The following IGF1 variants were observed in gnomAD, a reference collection of about 807,000 sequenced individuals.
IGF1 encodes insulin like growth factor 1.
Under a neutral mutation model 13.8 loss-of-function variants are expected in IGF1, and 4 were observed. The ratio of observed to expected loss-of-function variants is 0.29; its 90% CI spans 0.14 to 0.66. The LOEUF (loss-of-function observed/expected upper bound fraction) is 0.66. IGF1 is among the 30% of genes least tolerant of loss of function. IGF1 has a pLI of 0.78. For missense variants in IGF1, 124 were observed against 188.5 expected, an observed-to-expected ratio of 0.66 and a Z score of 2.00; for synonymous variants, 76 against 72.6, an observed-to-expected ratio of 1.05 and a Z score of -0.23.
chr12:102,404,919 G>A (rs1874009960), intron 3 of IGF1, among the ~76,000 whole-genome samples: 2 of 151,476 alleles, frequency 1.3e-5, no homozygotes, highest in Non-Finnish European at 2.9e-5. Context: ...CACCATGCAT[G>A]GCTAATTTTT....
intron 3 of IGF1, chr12:102,417,867 C>T: frequency 6.2e-7 from 1 of 1,613,934 alleles, no homozygotes; most frequent in Non-Finnish European, 8.5e-7. Flanking sequence ...TCCAATCTCC[C>T]TCCTCTGCTC....
At chr12:102,464,723 A>G (rs1165932021) in intron 2 of IGF1, among the ~76,000 whole-genome samples, 1 of 152,064 alleles carries the variant, frequency 6.6e-6, no homozygotes, top group Non-Finnish European at 1.5e-5. Context: ...TTTTGATTTC[A>G]TCAAAGCCAT....
At chr12:102,454,177 T>C (rs1420663473) in intron 2 of IGF1, among the ~76,000 whole-genome samples, 1 of 152,210 alleles carries the variant, frequency 6.6e-6, no homozygotes, top group African/African-American at 2.4e-5. Flanking sequence ...CCAGAATTTT[T>C]CCATCTATCA....
intron 2 of IGF1, among the ~76,000 whole-genome samples, chr12:102,430,847 T>A (rs1325350415): frequency 6.6e-6 from 1 of 152,212 alleles, no homozygotes; most frequent in Non-Finnish European, 1.5e-5. Context: ...TGGCAGTCAT[T>A]TCCCTCAGTT....
At chr12:102,478,428 G>GTCCA in intron 1 of IGF1, 1 of 1,187,634 alleles carries the variant, frequency 8.4e-7, no homozygotes, top group Non-Finnish European at 1.2e-6. Flanking sequence ...CCAGATGTCT[G>GTCCA]GGCCACAATG....
At chr12:102,416,957 C>T (rs1016342221) in intron 3 of IGF1, among the ~76,000 whole-genome samples, 1 of 152,038 alleles carries the variant, frequency 6.6e-6, no homozygotes, top group Non-Finnish European at 1.5e-5. Flanking sequence ...TGTTTAGACA[C>T]AGAGATATGT....
intron 2 of IGF1, among the ~76,000 whole-genome samples, chr12:102,459,656 G>C (rs367868183): frequency 1.3e-5 from 2 of 152,100 alleles, no homozygotes; most frequent in Non-Finnish European, 2.9e-5. Flanking sequence ...CAAGGTCACC[G>C]GCTAAAAACT....
At position 102,397,936 on chromosome 12, in the gene IGF1, C is replaced by T. The variant is rs1873349436; in HGVS notation, c.*4571G>A. ...AACATTTTAAATAGTCTGATTATAGCTTCAACAAGTCAAACATACATTTCT... is the reference window on the plus strand; with the variant it reads ...AACATTTTAAATAGTCTGATTATAGTTTCAACAAGTCAAACATACATTTCT... On this transcript the variant is annotated 3_prime_UTR_variant, in exon 4 of 4. Transcript: ENST00000337514. The T allele has an allele frequency of 6.6e-6, 1 of 152,244 alleles. No individual in the cohort carries two copies. The highest frequency in any genetic ancestry group is 2.4e-5 in the African/African-American group (1 of 41,414). 9.4% of individuals were successfully genotyped at this position (152,244 alleles called of 1,614,324 possible).
intron 2 of IGF1, among the ~76,000 whole-genome samples, chr12:102,431,379 A>G (rs1177386113): frequency 6.6e-6 from 1 of 152,222 alleles, no homozygotes; most frequent in Non-Finnish European, 1.5e-5. Context: ...TCTCCTTGAC[A>G]TTTAGAAAAA....
intron 2 of IGF1, among the ~76,000 whole-genome samples, chr12:102,433,156 T>C (rs953456349): frequency 1.3e-5 from 2 of 152,214 alleles, no homozygotes; most frequent in African/African-American, 4.8e-5. Context: ...ACAATCTGCC[T>C]TCTCATCCAA....
At chr12:102,407,072 C>G (rs1336391913) in intron 3 of IGF1, among the ~76,000 whole-genome samples, 2 of 113,398 alleles carry the variant, frequency 1.8e-5, no homozygotes, top group Admixed American at 2.1e-4. Context: ...CCAGCCTTGG[C>G]GACAGAGTAA....
chr12:102,461,013 T>C (rs577023669), intron 2 of IGF1, among the ~76,000 whole-genome samples: 2 of 152,326 alleles, frequency 1.3e-5, no homozygotes, highest in East Asian at 1.9e-4. Context: ...TTACGTATCA[T>C]TGTTTCAATG....
intron 2 of IGF1, among the ~76,000 whole-genome samples, chr12:102,450,008 C>T (rs888727546): frequency 3.3e-5 from 5 of 152,012 alleles, no homozygotes; most frequent in South Asian, 2.1e-4. Context: ...ACATGTTAAA[C>T]GTGAGGTTAC....
intron 2 of IGF1, among the ~76,000 whole-genome samples, chr12:102,439,065 C>T (rs1480834004): frequency 1.3e-5 from 2 of 152,216 alleles, no homozygotes; most frequent in Admixed American, 1.3e-4. Context: ...ACAACACTTG[C>T]AACGGTTTTA....
chr12:102,440,199 T>G lies in IGF1; in HGVS notation c.221-20509A>C, dbSNP rs116419614. Among the ~76,000 whole-genome samples, 1,358 of 152,256 alleles carry G rather than the reference T, an allele frequency of 8.9e-3. 18 individuals are homozygous for G. Among genetic ancestry groups the G allele is most frequent in the African/African-American group, 0.031 (1,298 of 41,542 alleles). ...CCGCATGGCTTCCCCTGGGAGGAGCTCAATTGTTCTCTTCTGAATGGGAAG... is the reference window on the plus strand; with the variant it reads ...CCGCATGGCTTCCCCTGGGAGGAGCGCAATTGTTCTCTTCTGAATGGGAAG... On this transcript the variant is annotated intron_variant, in intron 2 of 3. Coordinates refer to ENST00000337514, the MANE Select transcript of IGF1 (RefSeq NM_000618.5).
chr12:102,399,107 A>ATGTGTGTGTGTGTGTGTGTGTGTGTG lies in IGF1; in HGVS notation c.*3374_*3399dup, dbSNP rs3032446. 2.2e-5 allele frequency: 3 copies of ATGTGTGTGTGTGTGTGTGTGTGTGTG among 137,692 alleles called. No homozygotes were observed. Among genetic ancestry groups the ATGTGTGTGTGTGTGTGTGTGTGTGTG allele is most frequent in the African/African-American group, 8.1e-5 (3 of 36,894 alleles). 8.5% of individuals were successfully genotyped at this position (137,692 alleles called of 1,614,324 possible). On this transcript the variant is annotated 3_prime_UTR_variant, in exon 4 of 4. Transcript: ENST00000337514. ...GTATTCCATTGGATCCTTAGGGTGA[A>ATGTGTGTGTGTGTGTGTGTGTGTGTG]TGTGTGTGTGTGTGTGTGTGTGTGT...
chr12:102,460,745 A>G (rs1879835160), intron 2 of IGF1, among the ~76,000 whole-genome samples: 1 of 152,240 alleles, frequency 6.6e-6, no homozygotes, highest in Admixed American at 6.5e-5. Context: ...CAATGGGTAG[A>G]GTGCCAATGA....
At chr12:102,448,783 C>T (rs557793768) in intron 2 of IGF1, among the ~76,000 whole-genome samples, 6 of 150,486 alleles carry the variant, frequency 4.0e-5, no homozygotes, top group South Asian at 4.2e-4. Flanking sequence ...ATGCAGCCAT[C>T]GGACATGAAA....
At chr12:102,402,732 C>A in intron 3 of IGF1, 166 bp from the exon 4 acceptor site, 1 of 654,060 alleles carries the variant, frequency 1.5e-6, no homozygotes, top group Middle Eastern at 4.1e-4. Flanking sequence ...TGGACAGGCC[C>A]TTAGTACTTT....
Sources: allele counts gnomAD v4.1 joint callset (sites outside exome capture counted in the v4.1 genomes callset), GRCh38; gene constraint gnomAD v4.1.1; transcripts MANE v1.5; gene names NCBI Gene and HGNC (gene_info 2026-07-23, HGNC 2026-07-21).